Variants in CUX1 observed in about 807,000 individuals in gnomAD.
CUX1 encodes cut like homeobox 1.
Under a neutral mutation model 158.8 loss-of-function variants are expected in CUX1, and 31 were observed. The observed-to-expected ratio is 0.20, with a 90% CI of 0.15 to 0.26. CUX1 has a LOEUF of 0.26. CUX1 is among the 10% of genes least tolerant of loss of function. The pLI is 1.00. For missense variants in CUX1, 1,589 were observed against 2,014.6 expected, an observed-to-expected ratio of 0.79 and a Z score of 4.04; for synonymous variants, 879 against 862.1, an observed-to-expected ratio of 1.02 and a Z score of -0.34.
intron 4 of CUX1, among the ~76,000 whole-genome samples, chr7:102,088,026 C>G (rs1339303461): frequency 6.8e-6 from 1 of 147,614 alleles, no homozygotes; most frequent in Non-Finnish European, 1.5e-5. Context: ...AAGACAGAGT[C>G]TTGCTCTGTC....
chr7:101,874,354 G>A (rs1302305737), intron 1 of CUX1, among the ~76,000 whole-genome samples: 2 of 152,188 alleles, frequency 1.3e-5, no homozygotes, highest in East Asian at 3.9e-4. Context: ...GTGACTGGAA[G>A]GCAGATAGTA....
chr7:102,258,052 C>T lies in CUX1; in HGVS notation c.*9010C>T, dbSNP rs1790097087. 5.1e-6 allele frequency: 5 copies of T among 985,192 alleles called. No individual in the cohort carries two copies. Among genetic ancestry groups the T allele is most frequent in the Non-Finnish European group, 6.0e-6 (5 of 829,894 alleles). The allele number at this position is 985,192 out of a possible 1,614,324, so 61.0% of individuals were successfully genotyped here. ...GCGTGGGGGTGGGGGAGGCACCCGT[C>T]GGCCCCTTGGTGTTGTCCCTCTGTC... is the stretch of plus-strand genomic sequence containing the variant. On this transcript the variant is annotated 3_prime_UTR_variant, in exon 24 of 24. Transcript: ENST00000292535.
intron 11 of CUX1, chr7:102,188,570 G>T (rs782710806): frequency 1.3e-5 from 2 of 152,166 alleles, no homozygotes; most frequent in Non-Finnish European, 2.9e-5. Flanking sequence ...ACTTTGGGAA[G>T]CTGAGGCGAG....
Position 102,249,957 on chromosome 7 carries a change from G to C in CUX1, c.*915G>C. ...TACGTGAATAGAATCCTGACATGTA[G>C]TGCACATTGATGTATAGCTTTAACT... is the stretch of plus-strand genomic sequence containing the variant. On this transcript the variant is annotated 3_prime_UTR_variant, in exon 24 of 24. Coordinates refer to ENST00000292535, the MANE Select transcript of CUX1 (RefSeq NM_181552.4). 4.1e-6 allele frequency: 4 copies of C among 985,224 alleles called. No homozygotes were observed. The highest frequency in any genetic ancestry group is 4.8e-6 in the Non-Finnish European group (4 of 829,872). 61.0% of individuals were successfully genotyped at this position (985,224 alleles called of 1,614,324 possible). A position where few individuals can be genotyped will look rare whatever the true frequency, so the allele number is the denominator to read the frequency against.
chr7:101,970,101 A>G (rs932829742), intron 2 of CUX1, among the ~76,000 whole-genome samples: 1 of 151,492 alleles, frequency 6.6e-6, no homozygotes, highest in African/African-American at 2.4e-5. Flanking sequence ...CAAATGTGTG[A>G]TAAGATGCTC....
At chr7:102,085,728 G>GT (rs536180951) in intron 4 of CUX1, among the ~76,000 whole-genome samples, 71 of 152,146 alleles carry the variant, frequency 4.7e-4, no homozygotes, top group African/African-American at 1.6e-3. Context: ...TAGTTTTCTG[G>GT]TTTTTTTCCT....
chr7:101,851,541 T>C (rs116442461), intron 1 of CUX1, among the ~76,000 whole-genome samples: 307 of 152,334 alleles, frequency 2.0e-3, no homozygotes, highest in African/African-American at 7.0e-3. Context: ...AGATCTTCTT[T>C]ATTCTGTCCT....
chr7:102,160,820 A>T (rs572404756), intron 9 of CUX1, among the ~76,000 whole-genome samples: 13 of 152,330 alleles, frequency 8.5e-5, no homozygotes, highest in African/African-American at 3.1e-4. Flanking sequence ...TTAAATGGGT[A>T]CAGAGTTTTG....
intron 8 of CUX1, among the ~76,000 whole-genome samples, chr7:102,131,396 C>T (rs1382691321): frequency 6.6e-6 from 1 of 151,632 alleles, no homozygotes; most frequent in Non-Finnish European, 1.5e-5. Flanking sequence ...GCTCACGCCT[C>T]TAATCCTAAC....
intron 1 of CUX1, among the ~76,000 whole-genome samples, chr7:101,871,814 T>C (rs1413072909): frequency 3.9e-5 from 6 of 152,054 alleles, no homozygotes; most frequent in Admixed American, 2.0e-4. Flanking sequence ...GGTCAGGAGT[T>C]CAAGACCACC....
Position 102,201,712 on chromosome 7 carries a change from G to A in CUX1, c.2415G>A (p.Gly805=). ...DPQGAADCAQ[G]VLRQVKNEVG... ...AGGGAGCAGCCGATTGTGCACAAGGGGTCCTGAGACAGGTGAAAAATGAGG... is the reference window on the plus strand; with the variant it reads ...AGGGAGCAGCCGATTGTGCACAAGGAGTCCTGAGACAGGTGAAAAATGAGG... The change falls in exon 18 of 24, where the codon GGG becomes GGA. Residue 805 remains glycine, a synonymous_variant. Transcript: ENST00000292535. This position sits in a 1 kb window ranked among gnomAD's most constrained non-coding sequence, Gnocchi z 5.0. 6.2e-7 allele frequency: 1 copy of A among 1,612,656 alleles called. No homozygotes were observed. The highest frequency in any genetic ancestry group is 1.3e-5 in the African/African-American group (1 of 75,042).
At chr7:101,858,946 C>T (rs1797164484) in intron 1 of CUX1, among the ~76,000 whole-genome samples, 1 of 152,128 alleles carries the variant, frequency 6.6e-6, no homozygotes, top group Non-Finnish European at 1.5e-5. Context: ...TGTTTAATCA[C>T]AAGAAAGTCT....
At chr7:102,089,637 A>C (rs868948504) in intron 4 of CUX1, among the ~76,000 whole-genome samples, 12 of 152,218 alleles carry the variant, frequency 7.9e-5, no homozygotes, top group Non-Finnish European at 7.3e-5. Flanking sequence ...AAACTGTGGG[A>C]GGTTTTCAGC....
intron 4 of CUX1, among the ~76,000 whole-genome samples, chr7:102,078,316 T>C (rs1827000180): frequency 6.6e-6 from 1 of 152,110 alleles, no homozygotes; most frequent in Non-Finnish European, 1.5e-5. Context: ...GCTCAAGCAA[T>C]CCTCCCGCCT....
chr7:101,877,165 A>G (rs1318658688), intron 1 of CUX1, among the ~76,000 whole-genome samples: 2 of 152,222 alleles, frequency 1.3e-5, no homozygotes, highest in African/African-American at 2.4e-5. Flanking sequence ...AATTTCTTGT[A>G]TTACTTACCT....
Position 101,884,408 on chromosome 7 carries a change from G to A in CUX1, c.31-31707G>A, listed in dbSNP as rs1292040291. Among the ~76,000 whole-genome samples the A allele has an allele frequency of 2.0e-5, 3 of 152,118 alleles. No homozygotes were observed. The East Asian group carries it at 5.8e-4, about 29-fold the overall frequency. On this transcript the variant is annotated intron_variant, in intron 1 of 23. Transcript: ENST00000292535. Reference sequence around the variant, plus strand: ...AATTAGATAACGTGTTTTTCTGTCCGGTAATTGCTGTAGTACTCATTTTTA... The same window carrying A: ...AATTAGATAACGTGTTTTTCTGTCCAGTAATTGCTGTAGTACTCATTTTTA...
Position 102,202,049 on chromosome 7 carries a change from C to T in CUX1, c.2752C>T (p.Pro918Ser), listed in dbSNP as rs782557181. 3.1e-6 allele frequency: 5 copies of T among 1,614,054 alleles called. No individual in the cohort carries two copies. In the Admixed American group the frequency reaches 6.7e-5, roughly 22 times the overall value. Reference protein sequence around the residue: ...NSPLPSSPIVPMSKPTKPSVP... With the variant: ...NSPLPSSPIVSMSKPTKPSVP... ...CCCCCTGCCATCCTCCCCGATCGTGCCCATGTCCAAGCCCACCAAGCCCTC... is the reference window on the plus strand; with the variant it reads ...CCCCCTGCCATCCTCCCCGATCGTGTCCATGTCCAAGCCCACCAAGCCCTC... The change falls in exon 18 of 24, where the codon CCC becomes TCC. Residue 918 changes from proline (P) to serine (S), a missense_variant. Coordinates refer to ENST00000292535, the MANE Select transcript of CUX1 (RefSeq NM_181552.4).
chr7:102,130,068 C>G (rs1833050130), intron 8 of CUX1, among the ~76,000 whole-genome samples: 1 of 152,194 alleles, frequency 6.6e-6, no homozygotes, highest in Non-Finnish European at 1.5e-5. Context: ...TTTGCCCTTT[C>G]ATTCTCTTCC....
intron 1 of CUX1, among the ~76,000 whole-genome samples, chr7:101,877,097 C>T (rs1799224162): frequency 6.6e-6 from 1 of 152,222 alleles, no homozygotes; most frequent in African/African-American, 2.4e-5. Context: ...ACTTTGGGTA[C>T]ATTTCATTAC....
Sources: allele counts gnomAD v4.1 joint callset (sites outside exome capture counted in the v4.1 genomes callset), GRCh38; gene constraint gnomAD v4.1.1; non-coding constraint Gnocchi (gnomAD v3.1); transcripts MANE v1.5; gene names NCBI Gene and HGNC (gene_info 2026-07-23, HGNC 2026-07-21).